The following TMEM233 variants were observed in gnomAD, a reference collection of about 807,000 sequenced individuals.
TMEM233 encodes dispanin subfamily B member 2.
In TMEM233, 6 loss-of-function variants were observed where a neutral mutation model predicts 11.2. The ratio of observed to expected loss-of-function variants is 0.54; its 90% CI spans 0.29 to 1.06. The LOEUF (loss-of-function observed/expected upper bound fraction) is 1.06, where lower values mean the gene tolerates loss of function less well. Among genes scored for constraint, TMEM233 ranks in the 50% least tolerant of loss-of-function variants. The pLI is 0.08. For missense variants in TMEM233, 127 were observed against 144.7 expected (o/e 0.88, Z 0.63); for synonymous variants, 59 against 55.8 (o/e 1.06, Z -0.26).
chr12:119,646,310 C>T (rs1395166215), downstream of TMEM233, among the ~76,000 whole-genome samples: 2 of 152,188 alleles, frequency 1.3e-5, no homozygotes, highest in Non-Finnish European at 2.9e-5. Context: ...CCGCCCACCT[C>T]GGCTTCCCAA....
At chr12:119,615,477 C>T (rs1566103990) in intron 1 of TMEM233, among the ~76,000 whole-genome samples, 2 of 152,232 alleles carry the variant, frequency 1.3e-5, no homozygotes, top group South Asian at 2.1e-4. Context: ...GGGTCCCACC[C>T]CCAGAGAGCC....
intron 1 of TMEM233, among the ~76,000 whole-genome samples, chr12:119,628,861 A>T (rs11064856): frequency 6.6e-6 from 1 of 151,994 alleles, no homozygotes; most frequent in Non-Finnish European, 1.5e-5. Context: ...GCTAGGCCCC[A>T]GTTCTGGGGC....
chr12:119,613,159 T>C (rs1378802290), intron 1 of TMEM233, among the ~76,000 whole-genome samples: 1 of 144,256 alleles, frequency 6.9e-6, no homozygotes, highest in Non-Finnish European at 1.5e-5. Context: ...ATACCAGTAA[T>C]CATCAACTGT....
intron 1 of TMEM233, among the ~76,000 whole-genome samples, chr12:119,601,913 A>G (rs909373449): frequency 6.6e-6 from 1 of 152,214 alleles, no homozygotes; most frequent in Admixed American, 6.5e-5. Flanking sequence ...GGGATTCAAC[A>G]TAGAAAAGAG....
At chr12:119,627,397 GA>G (rs887779140) in intron 1 of TMEM233, among the ~76,000 whole-genome samples, 1 of 152,220 alleles carries the variant, frequency 6.6e-6, no homozygotes, top group African/African-American at 2.4e-5. Flanking sequence ...GATTTATAAA[GA>G]AAGGAGGTTT....
chr12:119,608,227 CAG>C, intron 1 of TMEM233, among the ~76,000 whole-genome samples: 1 of 152,288 alleles, frequency 6.6e-6, no homozygotes, highest in East Asian at 1.9e-4. Flanking sequence ...ATCTATCTCC[CAG>C]CCAGAGAGAG....
At chr12:119,602,082 G>T (rs1954180238) in intron 1 of TMEM233, among the ~76,000 whole-genome samples, 1 of 152,212 alleles carries the variant, frequency 6.6e-6, no homozygotes, top group South Asian at 2.1e-4. Flanking sequence ...GACCATACCT[G>T]CTGTGGATGA....
Position 119,595,446 on chromosome 12 carries a change from C to T in TMEM233, c.186+1412C>T, listed in dbSNP as rs1954022873. 6.6e-6 allele frequency among the ~76,000 whole-genome samples: 1 copy of T among 152,224 alleles called. No homozygotes were observed. ...GGCTCCATTTGCACCCGTAACTTGC[C>T]CTTTCCCAAACCCGGTTTGTGGACA... On this transcript the variant is annotated intron_variant, in intron 1 of 2. Coordinates refer to ENST00000426426, the MANE Select transcript of TMEM233 (RefSeq NM_001136534.3). This position sits in a 1 kb window ranked among gnomAD's most constrained non-coding sequence, Gnocchi z 4.3.
chr12:119,645,320 C>CAAAAAAAGAA (rs1955136416), downstream of TMEM233, among the ~76,000 whole-genome samples: 1 of 74,794 alleles, frequency 1.3e-5, no homozygotes, highest in Non-Finnish European at 2.5e-5. Context: ...CACCAATTAC[C>CAAAAAAAGAA]AAAAAAAAAA....
chr12:119,612,496 C>T (rs1286164692), intron 1 of TMEM233, among the ~76,000 whole-genome samples: 1 of 152,112 alleles, frequency 6.6e-6, no homozygotes, highest in Non-Finnish European at 1.5e-5. Flanking sequence ...TGCCTATAAT[C>T]CCAGGACTTT....
chr12:119,613,953 C>T (rs1298957548), intron 1 of TMEM233, among the ~76,000 whole-genome samples: 3 of 151,562 alleles, frequency 2.0e-5, no homozygotes, highest in Non-Finnish European at 2.9e-5. Flanking sequence ...TGGACACAGA[C>T]GGGGGCAGGA....
chr12:119,614,631 G>A (rs912770235), intron 1 of TMEM233, among the ~76,000 whole-genome samples: 2 of 152,060 alleles, frequency 1.3e-5, no homozygotes, highest in African/African-American at 4.8e-5. Flanking sequence ...TATCCTAAGG[G>A]CTTTGTGGAT....
At chr12:119,609,797 A>T (rs1312275879) in intron 1 of TMEM233, among the ~76,000 whole-genome samples, 1 of 152,252 alleles carries the variant, frequency 6.6e-6, no homozygotes, top group Non-Finnish European at 1.5e-5. Flanking sequence ...CTGGATGTCC[A>T]GGCAGAGGTT....
rs1051853440 is a variant in TMEM233, at chr12:119,595,137, G to A, written c.186+1103G>A. ...ACACCCGAGCGAACCCCACCAGGAG[G>A]GCGACGAGCGCCTGCTAGGCCCTCG... On this transcript the variant is annotated intron_variant, in intron 1 of 2. Transcript: ENST00000426426. This position sits in a 1 kb window ranked among gnomAD's most constrained non-coding sequence, Gnocchi z 4.3. Among the ~76,000 whole-genome samples the A allele has an allele frequency of 2.0e-5, 3 of 152,216 alleles. No homozygotes were observed. Among genetic ancestry groups the A allele is most frequent in the African/African-American group, 7.2e-5 (3 of 41,458 alleles).
intron 1 of TMEM233, among the ~76,000 whole-genome samples, chr12:119,628,792 G>T (rs558585320): frequency 6.6e-6 from 1 of 151,716 alleles, no homozygotes; most frequent in Admixed American, 6.6e-5. Flanking sequence ...GAGCCACCAC[G>T]CCCGGCCCAC....
rs375426274 is a variant in TMEM233 at position 119,598,813 on chromosome 12, G to C, written c.186+4779G>C. Among the ~76,000 whole-genome samples, 10 of 152,292 alleles carry C rather than the reference G, an allele frequency of 6.6e-5. No individual in the cohort carries two copies. In the East Asian group the frequency reaches 1.3e-3, roughly 21 times the overall value. ...AGCTTGGTCTTTCCACCTTGTAAATGGGGGTTGTGATAGTATTTACCCAAG... is the reference window on the plus strand; with the variant it reads ...AGCTTGGTCTTTCCACCTTGTAAATCGGGGTTGTGATAGTATTTACCCAAG... On this transcript the variant is annotated intron_variant, in intron 1 of 2. Coordinates refer to ENST00000426426, the MANE Select transcript of TMEM233 (RefSeq NM_001136534.3).
chr12:119,632,025 C>T (rs779194649), intron 2 of TMEM233, among the ~76,000 whole-genome samples: 31 of 152,126 alleles, frequency 2.0e-4, no homozygotes, highest in Non-Finnish European at 4.6e-4. Context: ...AAACAAAGGA[C>T]AATGTTCTAA....
the TMEM233 span, among the ~76,000 whole-genome samples, chr12:119,653,048 T>C: frequency 1.3e-5 from 2 of 152,236 alleles, no homozygotes; most frequent in African/African-American, 4.8e-5. Flanking sequence ...CTGAGAAAGA[T>C]AATAGAATCC....
Position 119,622,023 on chromosome 12 carries a change from T to C in TMEM233, c.187-7713T>C, listed in dbSNP as rs78377419. Among the ~76,000 whole-genome samples the C allele has an allele frequency of 3.2e-3, 480 of 152,262 alleles. 1 individual carries two copies. Among genetic ancestry groups the C allele is most frequent in the African/African-American group, 0.011 (462 of 41,544 alleles). ...GTTTAGACATCATAGTTGCAAAAGGTAGTGATGAAGTTGTCTTTGCCAAAA... is the reference window on the plus strand; with the variant it reads ...GTTTAGACATCATAGTTGCAAAAGGCAGTGATGAAGTTGTCTTTGCCAAAA... On this transcript the variant is annotated intron_variant, in intron 1 of 2. Transcript: ENST00000426426.
Sources: gnomAD v4.1 joint callset for allele counts (sites outside exome capture counted in the v4.1 genomes callset) on GRCh38, gnomAD v4.1.1 for gene constraint, Gnocchi (gnomAD v3.1) non-coding constraint, MANE v1.5 for transcripts, NCBI Gene and HGNC (gene_info 2026-07-23, HGNC 2026-07-21) for gene names.